METAP2: variants seen among roughly 807,000 people sequenced by gnomAD.
METAP2 encodes the protein methionine aminopeptidase 2.
In METAP2, 25 loss-of-function variants were observed where a neutral mutation model predicts 59.4. The observed-to-expected ratio is 0.42, with a 90% CI of 0.31 to 0.59. The LOEUF (loss-of-function observed/expected upper bound fraction) is 0.59, where lower values mean the gene tolerates loss of function less well. Ranked by LOEUF, METAP2 falls within the 20% of genes least tolerant of loss-of-function variation. The pLI is 0.16. For missense variants in METAP2, 366 were observed against 581.2 expected (o/e 0.63, Z 3.81); for synonymous variants, 214 against 194.1 (o/e 1.10, Z -0.85).
rs531612286 is a variant in METAP2 at position 95,513,614 on chromosome 12, CTT to C, written c.1185-35_1185-34del. ...TAATGAGGGAAATCAGTTCGTAACTCTTTTGCCAACAGTTAATTTTGGATTTT... is the reference window on the plus strand; with the variant it reads ...TAATGAGGGAAATCAGTTCGTAACTCTTGCCAACAGTTAATTTTGGATTTT... On this transcript the variant is annotated intron_variant, in intron 10 of 10. Transcript: ENST00000323666. 1,071 of 1,594,242 alleles carry C rather than the reference CTT, an allele frequency of 6.7e-4. 7 individuals are homozygous for C. In the African/African-American group the frequency reaches 0.012, roughly 18 times the overall value.
At position 95,483,480 on chromosome 12, in the gene METAP2, A is replaced by C. The variant is rs1419146399; in HGVS notation, c.325+200A>C. On this transcript the variant is annotated intron_variant, in intron 3 of 10. Coordinates refer to ENST00000323666, the MANE Select transcript of METAP2 (RefSeq NM_006838.4). ...AACAGAGTGAGACTCTGTCTCAAAA[A>C]AAAAAAAAAAAAAAAAAAGAAGTGG... The C allele has an allele frequency of 7.9e-6, 3 of 381,616 alleles. No homozygotes were observed. In the East Asian group the frequency reaches 1.2e-4, roughly 15 times the overall value. 23.6% of individuals were successfully genotyped at this position (381,616 alleles called of 1,614,324 possible). A position where few individuals can be genotyped will look rare whatever the true frequency, so the allele number is the denominator to read the frequency against.
intron 8 of METAP2, among the ~76,000 whole-genome samples, chr12:95,505,169 C>T (rs1454857974): frequency 6.6e-6 from 1 of 152,194 alleles, no homozygotes; most frequent in Non-Finnish European, 1.5e-5. Context: ...TTAGTAAATT[C>T]ACACCATTCA....
intron 3 of METAP2, among the ~76,000 whole-genome samples, chr12:95,485,311 C>T (rs2076187929): frequency 6.6e-6 from 1 of 151,954 alleles, no homozygotes; most frequent in Non-Finnish European, 1.5e-5. Flanking sequence ...TTTTAAGTCC[C>T]TTGTCATGTA....
intron 8 of METAP2, among the ~76,000 whole-genome samples, chr12:95,510,449 A>G (rs1368333730): frequency 6.6e-6 from 1 of 152,192 alleles, no homozygotes; most frequent in Non-Finnish European, 1.5e-5. Flanking sequence ...AAGGGCAATG[A>G]GAAGTTTGAG....
At chr12:95,507,940 ATTT>A (rs372529582) in intron 8 of METAP2, among the ~76,000 whole-genome samples, 3 of 130,218 alleles carry the variant, frequency 2.3e-5, no homozygotes, top group Admixed American at 7.7e-5. Context: ...ACGCCCAGCA[ATTT>A]TTTTTTTTTT....
At chr12:95,501,580 T>C (rs2140157998) in intron 7 of METAP2, among the ~76,000 whole-genome samples, 1 of 152,164 alleles carries the variant, frequency 6.6e-6, no homozygotes, top group South Asian at 2.1e-4. Flanking sequence ...CTAGGCTTAG[T>C]GGCATGCGCC....
intron 3 of METAP2, among the ~76,000 whole-genome samples, chr12:95,485,182 G>A (rs1594415691): frequency 6.6e-6 from 1 of 152,296 alleles, no homozygotes; most frequent in Non-Finnish European, 1.5e-5. Context: ...TTGTAGATGA[G>A]GAAACTGAGG....
chr12:95,491,842 T>C (rs992705625), intron 4 of METAP2, among the ~76,000 whole-genome samples: 5 of 152,142 alleles, frequency 3.3e-5, no homozygotes, highest in Non-Finnish European at 5.9e-5. Flanking sequence ...GGTCTCATTC[T>C]GTCACCCAGG....
intron 1 of METAP2, among the ~76,000 whole-genome samples, chr12:95,474,539 A>G (rs1420685361): frequency 6.6e-6 from 1 of 152,116 alleles, no homozygotes; most frequent in East Asian, 1.9e-4. Flanking sequence ...TGGGGGAGAA[A>G]AGAGTGCCTG....
At chr12:95,475,906 A>G (rs991551146) in intron 1 of METAP2, among the ~76,000 whole-genome samples, 165 bp from the exon 2 acceptor site, 1 of 152,222 alleles carries the variant, frequency 6.6e-6, no homozygotes, top group African/African-American at 2.4e-5. Flanking sequence ...CTGTGTAGGT[A>G]TGGAAGATTT....
rs1166611965 is a variant in METAP2 at position 95,493,991 on chromosome 12, AGTT to A, written c.429-62_429-60del. 4.5e-6 allele frequency: 6 copies of A among 1,344,688 alleles called. No individual in the cohort carries two copies. The Admixed American group carries it at 9.2e-5, about 21-fold the overall frequency. The allele number at this position is 1,344,688 out of a possible 1,614,324, so 83.3% of individuals were successfully genotyped here. A position where few individuals can be genotyped will look rare whatever the true frequency, so the allele number is the denominator to read the frequency against. ...TTTGAACTGTCTTGTTACTTAGTAT[AGTT>A]GTCAGCTTTTATGCTTGTTCTGCTG... On this transcript the variant is annotated intron_variant, in intron 4 of 10. Coordinates refer to ENST00000323666, the MANE Select transcript of METAP2 (RefSeq NM_006838.4).
chr12:95,493,759 C>T (rs184145906), intron 4 of METAP2, among the ~76,000 whole-genome samples: 1 of 152,334 alleles, frequency 6.6e-6, no homozygotes, highest in African/African-American at 2.4e-5. Flanking sequence ...TTCTAGGACT[C>T]TTCAGACTTT....
At chr12:95,484,481 A>G (rs1210420889) in intron 3 of METAP2, among the ~76,000 whole-genome samples, 2 of 151,188 alleles carry the variant, frequency 1.3e-5, no homozygotes, top group Non-Finnish European at 2.9e-5. Context: ...AGAGATACCT[A>G]TTTCTTAAAT....
Position 95,474,202 on chromosome 12 carries a change from C to T in METAP2, c.23C>T (p.Ala8Val), listed in dbSNP as rs781345799. The change falls in exon 1 of 11, where the codon GCG becomes GTG. Residue 8 changes from alanine to valine, a missense_variant. This residue lies in a region of METAP2 where 177 missense variants were observed against 180.3 expected (regional missense o/e 0.98). Transcript: ENST00000323666. MAGVEEV[A>V]ASGSHLNGDL... ...AACATGGCGGGTGTGGAGGAGGTAG[C>T]GGCCTCCGGGAGCCACCTGAATGGC... 2 of 1,613,848 alleles carry T rather than the reference C, an allele frequency of 1.2e-6. No homozygotes were observed. Among genetic ancestry groups the T allele is most frequent in the Non-Finnish European group, 8.5e-7 (1 of 1,179,936 alleles).
At chr12:95,513,155 TTCTGATAA>T (rs1356458299) in intron 10 of METAP2, among the ~76,000 whole-genome samples, 1 of 150,020 alleles carries the variant, frequency 6.7e-6, no homozygotes, top group East Asian at 2.0e-4. Context: ...CAAGTCCGGT[TTCTGATAA>T]TCATAAATGT....
At chr12:95,509,603 A>G (rs1210470897) in intron 8 of METAP2, among the ~76,000 whole-genome samples, 1 of 152,184 alleles carries the variant, frequency 6.6e-6, no homozygotes, top group Non-Finnish European at 1.5e-5. Flanking sequence ...TATCAGGTGT[A>G]TAAGCATGAG....
At chr12:95,481,754 T>G (rs2140140165) in intron 2 of METAP2, among the ~76,000 whole-genome samples, 1 of 152,328 alleles carries the variant, frequency 6.6e-6, no homozygotes, top group Middle Eastern at 3.4e-3. Flanking sequence ...GATGGAAAGA[T>G]TTTTAGTATA....
At chr12:95,490,819 T>C (rs2076232306) in intron 4 of METAP2, among the ~76,000 whole-genome samples, 1 of 152,196 alleles carries the variant, frequency 6.6e-6, no homozygotes. Flanking sequence ...CAGGCAGTTG[T>C]AGAGGTCTCA....
chr12:95,506,938 A>G (rs2076365662), intron 8 of METAP2, among the ~76,000 whole-genome samples: 2 of 151,356 alleles, frequency 1.3e-5, no homozygotes, highest in Non-Finnish European at 2.9e-5. Flanking sequence ...GTGTGTCATC[A>G]TGCTGGCTAA....
Sources: gnomAD v4.1 joint callset for allele counts (sites outside exome capture counted in the v4.1 genomes callset) on GRCh38, gnomAD v4.1.1 for gene constraint, gnomAD v4.1.1 regional missense constraint, MANE v1.5 for transcripts, NCBI Gene and HGNC (gene_info 2026-07-23, HGNC 2026-07-21) for gene names.